Variants in UMODL1 observed in about 807,000 individuals in gnomAD.
UMODL1 encodes uromodulin like 1.
UMODL1 carries 128 observed loss-of-function variants against 136.3 expected under a neutral mutation model. The ratio of observed to expected loss-of-function variants is 0.94; its 90% CI spans 0.81 to 1.09. The LOEUF is 1.09. Ranked by LOEUF, UMODL1 falls within the 50% of genes least tolerant of loss-of-function variation. UMODL1 has a pLI of 0.00. For synonymous variants in UMODL1, 721 were observed against 720.0 expected (o/e 1.00, Z -0.02); for missense variants, 1,766 against 1,725.6 (o/e 1.02, Z -0.41).
intron 21 of UMODL1, among the ~76,000 whole-genome samples, chr21:42,131,048 C>T (rs1601279621): frequency 6.6e-6 from 1 of 152,228 alleles, no homozygotes; most frequent in South Asian, 2.1e-4. Context: ...CTCCTGACCT[C>T]ATGATTTGCC....
chr21:42,072,774 C>T (rs1328192031), intron 1 of UMODL1, among the ~76,000 whole-genome samples: 1 of 152,148 alleles, frequency 6.6e-6, no homozygotes, highest in East Asian at 1.9e-4. Flanking sequence ...TCCATCTGAC[C>T]CCAGGACTCT....
rs1332204272 is a variant in UMODL1, at chr21:42,099,708, T to A, written c.1186+528T>A. ...AACGTTTTTTCTTTTTGAGACAGGG[T>A]CTCGCTCTGTCACCCAGGCTGGAGT... On this transcript the variant is annotated intron_variant, in intron 7 of 22. Transcript: ENST00000408910. This position sits in a 1 kb window ranked among gnomAD's most constrained non-coding sequence, Gnocchi z 4.1. Among the ~76,000 whole-genome samples the A allele has an allele frequency of 6.6e-6, 1 of 152,098 alleles. No homozygotes were observed. Among genetic ancestry groups the A allele is most frequent in the Non-Finnish European group, 1.5e-5 (1 of 68,004 alleles).
chr21:42,126,975 C>G, intron 18 of UMODL1, 31 bp from the exon 19 acceptor site: 1 of 1,578,624 alleles, frequency 6.3e-7, no homozygotes, highest in Non-Finnish European at 8.7e-7. Flanking sequence ...CCTCCTGAAA[C>G]ATGCCTCCTG....
At chr21:42,112,432 CATCCCCAGCTGTTCTGT>C (rs2066846125) in intron 12 of UMODL1, among the ~76,000 whole-genome samples, 1 of 151,148 alleles carries the variant, frequency 6.6e-6, no homozygotes, top group African/African-American at 2.4e-5. Context: ...AGCTGTTCTG[CATCCCCAGCTGTTCTGT>C]ATCTGCCCAG....
intron 21 of UMODL1, among the ~76,000 whole-genome samples, chr21:42,134,794 T>TA (rs2067182491): frequency 6.9e-6 from 1 of 144,152 alleles, no homozygotes; most frequent in Admixed American, 7.0e-5. Context: ...TTTTTTTTTT[T>TA]ATATTTTTTT....
At chr21:42,075,087 A>AC (rs2066273051) in intron 1 of UMODL1, among the ~76,000 whole-genome samples, 1 of 151,806 alleles carries the variant, frequency 6.6e-6, no homozygotes, top group African/African-American at 2.4e-5. Flanking sequence ...TTTAGTAGAG[A>AC]GGGGCTTTCA....
In UMODL1 at chr21:42,126,388, T is replaced by C; in HGVS notation, c.3191T>C (p.Leu1064Pro). 2.5e-6 allele frequency: 4 copies of C among 1,614,206 alleles called. No individual in the cohort carries two copies. The highest frequency in any genetic ancestry group is 3.4e-6 in the Non-Finnish European group (4 of 1,180,038). ...TVVRTTLRND[L>P]SQEGIIHHLK... ...GTGAGGACCACGCTGAGGAACGACC[T>C]GTCCCAGGAGGGCATCATCCACCAC... The change falls in exon 18 of 23, where the codon CTG becomes CCG. Residue 1064 changes from leucine to proline, a missense_variant. By Grantham distance (98) the Leu-to-Pro change is moderately conservative. Coordinates refer to ENST00000408910, the MANE Select transcript of UMODL1 (RefSeq NM_001004416.3).
At chr21:42,132,437 CCATT>C (rs982204920) in intron 21 of UMODL1, among the ~76,000 whole-genome samples, 7 of 152,126 alleles carry the variant, frequency 4.6e-5, no homozygotes, top group African/African-American at 1.4e-4. Flanking sequence ...ATCCATCCAT[CCATT>C]CAACTATCAT....
intron 15 of UMODL1, chr21:42,120,823 A>C: frequency 3.0e-6 from 1 of 334,668 alleles, no homozygotes; most frequent in East Asian, 4.9e-5. Context: ...AACTGAAGGG[A>C]TGGCCCTGCT....
intron 5 of UMODL1, 108 bp downstream of exon 5, chr21:42,088,588 A>C (rs1337406753): frequency 1.3e-5 from 16 of 1,196,504 alleles, no homozygotes; most frequent in Non-Finnish European, 1.6e-5. Context: ...CTTTTAAAGG[A>C]GGTTTAAGTT....
chr21:42,066,294 A>T (rs994642858), intron 1 of UMODL1, among the ~76,000 whole-genome samples: 4 of 152,240 alleles, frequency 2.6e-5, no homozygotes, highest in East Asian at 1.9e-4. Context: ...TTATTTATTT[A>T]TTTTTTGAGA....
Position 42,123,276 on chromosome 21 carries a change from C to T in UMODL1, c.3147+126C>T. ...CGAGGGGAACCCAGCAAGGGGGGTT[C>T]AGGACAGGGTTGAGTTCTCAACCAG... On this transcript the variant is annotated intron_variant, in intron 17 of 22. Transcript: ENST00000408910. The surrounding 1 kb of genome is among the most constrained non-coding windows in gnomAD (Gnocchi z 4.4). 1 of 1,148,056 alleles carries T rather than the reference C, an allele frequency of 8.7e-7. No individual in the cohort carries two copies. The allele number at this position is 1,148,056 out of a possible 1,614,324, so 71.1% of individuals were successfully genotyped here.
At position 42,072,148 on chromosome 21, in the gene UMODL1, G is replaced by A. The variant is rs373661495; in HGVS notation, c.76+756G>A. Among the ~76,000 whole-genome samples, 73 of 152,338 alleles carry A rather than the reference G, an allele frequency of 4.8e-4. No individual in the cohort carries two copies. The South Asian group carries it at 0.014, about 30-fold the overall frequency. On this transcript the variant is annotated intron_variant, in intron 1 of 22. Coordinates refer to ENST00000408910, the MANE Select transcript of UMODL1 (RefSeq NM_001004416.3). ...TTGCCCAGGCCACACAGCTCACAGG[G>A]CAGAGTCACCACAGGAGCCAGAGGC...
At chr21:42,118,997 T>A (rs1347453553) in intron 14 of UMODL1, 114 bp from the exon 15 acceptor site, 2 of 1,080,844 alleles carry the variant, frequency 1.9e-6, no homozygotes, top group Non-Finnish European at 2.7e-6. Context: ...GGCTTTTACT[T>A]TGTGCCACGG....
At chr21:42,111,755 C>T in intron 12 of UMODL1, 45 bp downstream of exon 12, 1 of 1,529,220 alleles carries the variant, frequency 6.5e-7, no homozygotes, top group Non-Finnish European at 8.8e-7. Flanking sequence ...TAATAGGACC[C>T]ATAGCCTGTG....
rs143866334 is a variant in UMODL1 at position 42,110,801 on chromosome 21, C to T, written c.1658-79C>T. ...CGGGATGCAGAGCAGTCCTGCTGGACGGCCATGCTGCCCTCCTGGGAGGGC... is the reference window on the plus strand; with the variant it reads ...CGGGATGCAGAGCAGTCCTGCTGGATGGCCATGCTGCCCTCCTGGGAGGGC... On this transcript the variant is annotated intron_variant, in intron 10 of 22. Coordinates refer to ENST00000408910, the MANE Select transcript of UMODL1 (RefSeq NM_001004416.3). 12,233 of 1,359,256 alleles carry T rather than the reference C, an allele frequency of 9.0e-3. 68 individuals carry two copies. The highest frequency in any genetic ancestry group is 0.011 in the Non-Finnish European group (10,876 of 994,788). The allele number at this position is 1,359,256 out of a possible 1,614,324, so 84.2% of individuals were successfully genotyped here.
intron 14 of UMODL1, among the ~76,000 whole-genome samples, chr21:42,117,464 G>A (rs60707403): frequency 0.026 from 3,988 of 152,294 alleles, 174 homozygotes; most frequent in African/African-American, 0.089. Flanking sequence ...TCTCCAGGAT[G>A]CTATCTGTTA....
At chr21:42,116,135 G>T in intron 14 of UMODL1, 150 bp downstream of exon 14, 1 of 251,774 alleles carries the variant, frequency 4.0e-6, no homozygotes, top group Non-Finnish European at 7.1e-6. Flanking sequence ...AGGAGTTCAA[G>T]ACCAGCCTGG....
At chr21:42,086,367 G>C (rs2066426744) in intron 4 of UMODL1, among the ~76,000 whole-genome samples, 1 of 152,246 alleles carries the variant, frequency 6.6e-6, no homozygotes, top group Non-Finnish European at 1.5e-5. Context: ...CAAACCCAGG[G>C]TTGGGTCACT....
Sources: allele counts gnomAD v4.1 joint callset (sites outside exome capture counted in the v4.1 genomes callset), GRCh38; gene constraint gnomAD v4.1.1; non-coding constraint Gnocchi (gnomAD v3.1); transcripts MANE v1.5; gene names NCBI Gene and HGNC (gene_info 2026-07-23, HGNC 2026-07-21).